PLEKHA1: variants seen among roughly 807,000 people sequenced by gnomAD.
PLEKHA1 encodes the protein pleckstrin homology domain-containing family A member 1.
Under a neutral mutation model 52.0 loss-of-function variants are expected in PLEKHA1, and 34 were observed. The observed-to-expected ratio is 0.65, with a 90% confidence interval of 0.50 to 0.87. The LOEUF (loss-of-function observed/expected upper bound fraction) is 0.87, where lower values mean the gene tolerates loss of function less well. Among genes scored for constraint, PLEKHA1 ranks in the 40% least tolerant of loss-of-function variants. PLEKHA1 has a pLI of 0.00. For missense variants in PLEKHA1, 497 were observed against 504.2 expected (o/e 0.99, Z 0.14); for synonymous variants, 163 against 170.7 (o/e 0.95, Z 0.35).
intron 9 of PLEKHA1, among the ~76,000 whole-genome samples, 176 bp from the exon 10 acceptor site, chr10:122,424,720 C>G (rs193121788): frequency 6.6e-6 from 1 of 152,230 alleles, no homozygotes; most frequent in Non-Finnish European, 1.5e-5. Flanking sequence ...AAAAGTGAAA[C>G]TACATGAAAT....
rs554064442 is a variant in PLEKHA1, at chr10:122,401,750, AG to A, written c.244+1363del. Among the ~76,000 whole-genome samples, 511 of 152,272 alleles carry A rather than the reference AG, an allele frequency of 3.4e-3. 2 individuals carry two copies. Among genetic ancestry groups the A allele is most frequent in the Non-Finnish European group, 4.6e-3 (312 of 68,022 alleles). ...TTGATACCCTCTCAGAGAGTATGTT[AG>A]TGGACATGAGTGACTGAAGGAACGA... On this transcript the variant is annotated intron_variant, in intron 4 of 11. Transcript: ENST00000368990.
At chr10:122,420,204 T>C (rs1317069052) in intron 8 of PLEKHA1, 2 of 152,220 alleles carry the variant, frequency 1.3e-5, no homozygotes, top group Non-Finnish European at 2.9e-5. Context: ...CAAAAAGTGA[T>C]TCAGAAGATC....
rs143348662 is a variant in PLEKHA1 at position 122,429,923 on chromosome 10, G to A, written c.1200G>A (p.Pro400=). Reference sequence around the variant, plus strand: ...TAGACTTGGACGATGCGAGCCTTCCGGTCAGTGACGTGTGAGGCAGAAGCG... The same window carrying A: ...TAGACTTGGACGATGCGAGCCTTCCAGTCAGTGACGTGTGAGGCAGAAGCG... ...DLVDLDDASL[P]VSDV The change falls in exon 12 of 12, where the codon CCG becomes CCA. Residue 400 remains proline (P), a synonymous_variant. Transcript: ENST00000368990. 4.0e-4 allele frequency: 643 copies of A among 1,612,350 alleles called. 2 individuals are homozygous for A. The highest frequency in any genetic ancestry group is 3.7e-3 in the African/African-American group (278 of 74,926).
chr10:122,436,727 A>G (rs1210912825), downstream of PLEKHA1: 4 of 118,638 alleles, frequency 3.4e-5, no homozygotes, highest in Non-Finnish European at 5.8e-5. Flanking sequence ...TGGTGTGGGT[A>G]AGATAAGTGT....
intron 11 of PLEKHA1, among the ~76,000 whole-genome samples, chr10:122,427,585 T>C (rs573321658): frequency 6.6e-6 from 1 of 152,358 alleles, no homozygotes; most frequent in Admixed American, 6.5e-5. Context: ...AAAACCTGCT[T>C]TAACAGCCTG....
At chr10:122,382,040 A>G (rs762554682) in intron 1 of PLEKHA1, among the ~76,000 whole-genome samples, 3 of 152,308 alleles carry the variant, frequency 2.0e-5, no homozygotes, top group South Asian at 4.2e-4. Flanking sequence ...TACTCCAACA[A>G]TAGAGGTCTG....
chr10:122,395,496 T>C (rs1012296583), intron 2 of PLEKHA1, among the ~76,000 whole-genome samples: 1 of 142,528 alleles, frequency 7.0e-6, no homozygotes, highest in Middle Eastern at 3.6e-3. Flanking sequence ...TTTATCAAGG[T>C]TATTATGTTC....
Position 122,417,969 on chromosome 10 carries a change from G to C in PLEKHA1, c.681+1G>C. ...AATAGGCTACTTCAAATCTGAACTGGTATGTTGTTACGTCATAAATGTTGC... is the reference window on the plus strand; with the variant it reads ...AATAGGCTACTTCAAATCTGAACTGCTATGTTGTTACGTCATAAATGTTGC... On this transcript the variant is annotated splice_donor_variant, in intron 8 of 11. Coordinates refer to ENST00000368990, the MANE Select transcript of PLEKHA1 (RefSeq NM_001001974.4). LOFTEE classifies it high-confidence loss of function. 1 of 1,603,308 alleles carries C rather than the reference G, an allele frequency of 6.2e-7. No homozygotes were observed. Among genetic ancestry groups the C allele is most frequent in the Non-Finnish European group, 8.5e-7 (1 of 1,170,696 alleles).
chr10:122,427,466 T>G (rs1294747352), intron 11 of PLEKHA1, among the ~76,000 whole-genome samples: 1 of 152,194 alleles, frequency 6.6e-6, no homozygotes, highest in Non-Finnish European at 1.5e-5. Context: ...TGGTTTTGTT[T>G]TGTTTTTTAC....
At chr10:122,435,190 A>G (rs2097433690), downstream of PLEKHA1, 2 of 152,218 alleles carry the variant, frequency 1.3e-5, no homozygotes, top group Admixed American at 1.3e-4. Context: ...TCAAAAATGC[A>G]AAGATATGAC....
chr10:122,436,207 T>G (rs1364188131), downstream of PLEKHA1: 1 of 152,202 alleles, frequency 6.6e-6, no homozygotes, highest in African/African-American at 2.4e-5. Flanking sequence ...TGAAAACTTC[T>G]CTTTTAAAAT....
At chr10:122,413,778 T>A (rs1459775570) in intron 6 of PLEKHA1, among the ~76,000 whole-genome samples, 2 of 152,140 alleles carry the variant, frequency 1.3e-5, no homozygotes, top group Non-Finnish European at 2.9e-5. Flanking sequence ...GATATTAAGT[T>A]ACTAGTAGTT....
intron 1 of PLEKHA1, chr10:122,392,190 A>T (rs1434883485): frequency 6.6e-6 from 1 of 152,312 alleles, no homozygotes; most frequent in East Asian, 1.9e-4. Context: ...TTAGGACCAG[A>T]ATATGATACA....
downstream of PLEKHA1, chr10:122,436,552 G>C (rs113089685): frequency 1.3e-5 from 2 of 152,248 alleles, no homozygotes; most frequent in Admixed American, 1.3e-4. Flanking sequence ...ACCTGATGGA[G>C]TTGGGTCAAT....
intron 1 of PLEKHA1, among the ~76,000 whole-genome samples, chr10:122,379,045 G>A (rs1280138294): frequency 6.6e-6 from 1 of 152,182 alleles, no homozygotes; most frequent in Non-Finnish European, 1.5e-5. Flanking sequence ...GCAGGCCATT[G>A]CAGTCTACTA....
intron 11 of PLEKHA1, among the ~76,000 whole-genome samples, chr10:122,427,707 A>G (rs1333050798): frequency 6.6e-6 from 1 of 152,228 alleles, no homozygotes; most frequent in Non-Finnish European, 1.5e-5. Context: ...GTGTTCAAGT[A>G]CATAAGAATT....
chr10:122,404,889 C>T (rs73367710), intron 4 of PLEKHA1, among the ~76,000 whole-genome samples: 2,406 of 152,290 alleles, frequency 0.016, 56 homozygotes, highest in African/African-American at 0.055. Context: ...TGAGAGTTTG[C>T]ATTTCCCCTT....
intron 1 of PLEKHA1, among the ~76,000 whole-genome samples, chr10:122,389,257 T>C (rs1427307834): frequency 6.6e-6 from 1 of 152,284 alleles, no homozygotes; most frequent in Non-Finnish European, 1.5e-5. Context: ...ATGCATGAGC[T>C]GCAGAATGGA....
At chr10:122,401,350 T>A (rs2096926225) in intron 4 of PLEKHA1, among the ~76,000 whole-genome samples, 1 of 152,128 alleles carries the variant, frequency 6.6e-6, no homozygotes, top group South Asian at 2.1e-4. Flanking sequence ...TTTGTATGCA[T>A]AGGAAAGTTT....
Sources: allele counts gnomAD v4.1 joint callset (sites outside exome capture counted in the v4.1 genomes callset), GRCh38; gene constraint gnomAD v4.1.1; transcripts MANE v1.5; gene names NCBI Gene and HGNC (gene_info 2026-07-23, HGNC 2026-07-21).